Variants in PRC1 observed in about 807,000 individuals in gnomAD.
The protein encoded by PRC1 is protein regulator of cytokinesis 1, also known as anaphase spindle elongation 1 homolog.
A neutral mutation model predicts 91.2 loss-of-function variants in PRC1; 54 were observed. That is an observed-to-expected ratio of 0.59 (90% CI 0.48 to 0.74). PRC1 has a LOEUF of 0.74. Ranked by LOEUF, PRC1 falls within the 30% of genes least tolerant of loss-of-function variation. The pLI is 0.00. For missense variants in PRC1, 727 were observed against 746.2 expected, an observed-to-expected ratio of 0.97 and a Z score of 0.30; for synonymous variants, 275 against 263.6, an observed-to-expected ratio of 1.04 and a Z score of -0.42.
intron 3 of PRC1, among the ~76,000 whole-genome samples, chr15:90,982,245 T>C (rs1156566124): frequency 6.6e-6 from 1 of 152,220 alleles, no homozygotes; most frequent in Non-Finnish European, 1.5e-5. Flanking sequence ...ATCTTAACCA[T>C]TACGTGTACA....
chr15:90,982,223 A>G, intron 3 of PRC1: 1 of 553,474 alleles, frequency 1.8e-6, no homozygotes, highest in Non-Finnish European at 3.2e-6. Context: ...CACATATAAC[A>G]TAAAATTTAC....
chr15:90,967,344 A>G, intron 14 of PRC1, 142 bp from the exon 15 acceptor site: 1 of 669,848 alleles, frequency 1.5e-6, no homozygotes, highest in Non-Finnish European at 2.6e-6. Context: ...CTGCGTTAGG[A>G]GTAAAAGGTG....
Position 90,969,604 on chromosome 15 carries a change from C to T in PRC1, c.1592G>A (p.Cys531Tyr), listed in dbSNP as rs765332130. The T allele has an allele frequency of 6.3e-7, 1 of 1,597,878 alleles. No individual in the cohort carries two copies. The highest frequency in any genetic ancestry group is 1.4e-5 in the African/African-American group (1 of 73,958). Residue 531 changes from cysteine to tyrosine, a missense_variant, in exon 13 of 15, where the codon TGT (cysteine) becomes TAT (tyrosine). Transcript: ENST00000394249. ...SGSKPVAAST[C>Y]SGKKTPRTGR... ...AGTACGGGGTGTTTTCTTCCCTGAA[C>T]AGGTGGAAGCAGCGACTGGCTGCAG...
intron 11 of PRC1, among the ~76,000 whole-genome samples, chr15:90,973,512 G>A (rs911345706): frequency 2.0e-5 from 3 of 152,002 alleles, no homozygotes; most frequent in Admixed American, 1.3e-4. Context: ...CCCCCAGCCC[G>A]ACACCCGTCG....
At chr15:90,977,771 A>G (rs942568887) in intron 8 of PRC1, among the ~76,000 whole-genome samples, 1 of 151,750 alleles carries the variant, frequency 6.6e-6, no homozygotes, top group South Asian at 2.1e-4. Flanking sequence ...TTTTTTTAGT[A>G]GAGACGGGGT....
In PRC1 at chr15:90,984,212, C is replaced by G. The variant is rs1435468770; in HGVS notation, c.145-72G>C. ...AAACTCCCAACACCAATACCAAACT[C>G]CTCAAATTTCTTTTTTCTTTTTCTT... On this transcript the variant is annotated intron_variant, in intron 2 of 14. Coordinates refer to ENST00000394249, the MANE Select transcript of PRC1 (RefSeq NM_003981.4). The surrounding 1 kb of genome is among the most constrained non-coding windows in gnomAD (Gnocchi z 5.1). 2 of 1,545,082 alleles carry G rather than the reference C, an allele frequency of 1.3e-6. No individual in the cohort carries two copies. Among genetic ancestry groups the G allele is most frequent in the African/African-American group, 2.8e-5 (2 of 72,026 alleles).
intron 1 of PRC1, among the ~76,000 whole-genome samples, chr15:90,994,171 C>T (rs1163008200): frequency 6.6e-6 from 1 of 152,016 alleles, no homozygotes; most frequent in Non-Finnish European, 1.5e-5. Context: ...GGCGTCTGAG[C>T]CTGCGGGCAC....
intron 1 of PRC1, 88 bp downstream of exon 1, chr15:90,994,319 G>A (rs1386877902): frequency 1.5e-5 from 24 of 1,582,944 alleles, no homozygotes; most frequent in African/African-American, 1.4e-4. Context: ...CCGGGACCCC[G>A]CACGGGTCCC....
At chr15:90,967,237 G>C (rs2037580139) in intron 14 of PRC1, 35 bp from the exon 15 acceptor site, 2 of 1,554,868 alleles carry the variant, frequency 1.3e-6, no homozygotes, top group South Asian at 1.1e-5. Context: ...TGGCCATACT[G>C]CCTCTCTTAC....
In PRC1 at chr15:90,967,058, C is replaced by T; in HGVS notation, c.*73G>A. 7.2e-7 allele frequency: 1 copy of T among 1,397,962 alleles called. No homozygotes were observed. The highest frequency in any genetic ancestry group is 2.3e-5 in the East Asian group (1 of 43,730). The allele number at this position is 1,397,962 out of a possible 1,614,324, so 86.6% of individuals were successfully genotyped here. The stretch of plus-strand genomic sequence containing the variant: ...CAAGCACGCCTAAGCTGAAGAAAAA[C>T]TAAAGTCACCCCCATATAATTAGGT... On this transcript the variant is annotated 3_prime_UTR_variant, in exon 15 of 15. Transcript: ENST00000394249.
intron 13 of PRC1, 52 bp downstream of exon 13, chr15:90,969,395 C>G: frequency 6.5e-7 from 1 of 1,544,816 alleles, no homozygotes; most frequent in East Asian, 2.3e-5. Context: ...ACCCACTCTG[C>G]CCCAACTGTG....
Position 90,970,400 on chromosome 15 carries a change from T to C in PRC1, c.1572+4A>G. 1.3e-6 allele frequency: 2 copies of C among 1,587,632 alleles called. No homozygotes were observed. The highest frequency in any genetic ancestry group is 8.7e-7 in the Non-Finnish European group (1 of 1,156,042). ...GGATGTGCTTAGACACAGGGCATAC[T>C]AACCTTGCTGCCAGAAGGAGGAAGT... On this transcript the variant is annotated splice_donor_region_variant and intron_variant, in intron 12 of 14. Coordinates refer to ENST00000394249, the MANE Select transcript of PRC1 (RefSeq NM_003981.4).
At chr15:90,994,109 C>T (rs1187397361) in intron 1 of PRC1, among the ~76,000 whole-genome samples, 1 of 151,976 alleles carries the variant, frequency 6.6e-6, no homozygotes, top group Admixed American at 6.6e-5. Context: ...CCCCGGGCCC[C>T]GGGCCTCGAC....
intron 14 of PRC1, chr15:90,968,510 A>C: frequency 1.0e-6 from 1 of 987,206 alleles, no homozygotes; most frequent in Non-Finnish European, 1.2e-6. Context: ...GGTGTTAGCA[A>C]ATATAGAGTA....
intron 3 of PRC1, 166 bp downstream of exon 3, chr15:90,983,852 G>C: frequency 1.1e-6 from 1 of 883,116 alleles, no homozygotes; most frequent in Non-Finnish European, 1.7e-6. Context: ...ACAGAGGTGA[G>C]AATTACTCTG....
chr15:90,984,104 G>A lies in PRC1; in HGVS notation c.181C>T (p.Leu61=). 4 of 1,614,072 alleles carry A rather than the reference G, an allele frequency of 2.5e-6. No homozygotes were observed. The highest frequency in any genetic ancestry group is 3.4e-6 in the Non-Finnish European group (4 of 1,179,998). ...LDMMIAEEES[L]KERLIKSISV... ...ATGCTTTTGATGAGTCTTTCCTTCA[G>A]GCTTTCCTCTTCAGCAATCATCATA... is the stretch of plus-strand genomic sequence containing the variant. Residue 61 remains leucine, a synonymous_variant, in exon 3 of 15, where the codon CTG becomes TTG. Transcript: ENST00000394249. The surrounding 1 kb of genome is among the most constrained non-coding windows in gnomAD (Gnocchi z 5.1).
chr15:90,974,738 C>A lies in PRC1; in HGVS notation c.1204-7G>T, dbSNP rs2038520800. Reference sequence around the variant, plus strand: ...CCTTCAACTCTTCTTCCAGCTGAGACCAGAAACAAGGACATGTTAATTACT... The same window carrying A: ...CCTTCAACTCTTCTTCCAGCTGAGAACAGAAACAAGGACATGTTAATTACT... On this transcript the variant is annotated splice_region_variant and splice_polypyrimidine_tract_variant and intron_variant, in intron 9 of 14. Coordinates refer to ENST00000394249, the MANE Select transcript of PRC1 (RefSeq NM_003981.4). This position sits in a 1 kb window ranked among gnomAD's most constrained non-coding sequence, Gnocchi z 4.6. The A allele has an allele frequency of 2.5e-6, 4 of 1,614,020 alleles. No homozygotes were observed. Among genetic ancestry groups the A allele is most frequent in the Non-Finnish European group, 3.4e-6 (4 of 1,180,000 alleles).
intron 14 of PRC1, chr15:90,967,589 A>G (rs2037625075): frequency 6.0e-6 from 1 of 166,302 alleles, no homozygotes; most frequent in Non-Finnish European, 1.3e-5. Flanking sequence ...ATACACAAAT[A>G]CTTACCATTG....
rs1344934627 is a variant in PRC1 at position 90,966,303 on chromosome 15, C to G, written c.*828G>C. ...ATCGTGGAAGCTAGAGCAGGAACAC[C>G]TCCCCAGTAGTGACATGTGCAAAGT... is the stretch of plus-strand genomic sequence containing the variant. On this transcript the variant is annotated 3_prime_UTR_variant, in exon 15 of 15. Transcript: ENST00000394249. 5 of 236,154 alleles carry G rather than the reference C, an allele frequency of 2.1e-5. No homozygotes were observed. Among genetic ancestry groups the G allele is most frequent in the Non-Finnish European group, 3.5e-5 (4 of 114,464 alleles). The allele number at this position is 236,154 out of a possible 1,614,324, so 14.6% of individuals were successfully genotyped here.
Sources: gnomAD v4.1 joint callset for allele counts (sites outside exome capture counted in the v4.1 genomes callset) on GRCh38, gnomAD v4.1.1 for gene constraint, Gnocchi (gnomAD v3.1) non-coding constraint, MANE v1.5 for transcripts, NCBI Gene and HGNC (gene_info 2026-07-23, HGNC 2026-07-21) for gene names.